Variants in GABBR2 observed in about 807,000 individuals in gnomAD.
GABBR2 encodes G-protein coupled receptor 51.
In GABBR2, 23 loss-of-function variants were observed where a neutral mutation model predicts 105.6. The ratio of observed to expected loss-of-function variants is 0.22; its 90% CI spans 0.16 to 0.31. The LOEUF is 0.31. GABBR2 is among the 10% of genes least tolerant of loss of function. GABBR2 has a pLI of 1.00. For missense variants in GABBR2, 734 were observed against 1,245.5 expected, an observed-to-expected ratio of 0.59 and a Z score of 6.18; for synonymous variants, 478 against 499.7, an observed-to-expected ratio of 0.96 and a Z score of 0.58.
chr9:98,587,557 T>C (rs1438929519), intron 1 of GABBR2, among the ~76,000 whole-genome samples: 5 of 152,118 alleles, frequency 3.3e-5, no homozygotes, highest in Admixed American at 3.3e-4. Flanking sequence ...AAAGGAGTGA[T>C]AGTGAGAGCC....
Position 98,483,325 on chromosome 9 carries a change from C to T in GABBR2, c.733-2328G>A, listed in dbSNP as rs148458362. 3.6e-3 allele frequency among the ~76,000 whole-genome samples: 541 copies of T among 152,294 alleles called. 4 individuals carry two copies. Among genetic ancestry groups the T allele is most frequent in the African/African-American group, 0.012 (509 of 41,554 alleles). On this transcript the variant is annotated intron_variant, in intron 4 of 18. Transcript: ENST00000259455. ...TGAGTTTGGTTACCATCATTCCTTA[C>T]TCAGTGAACAGCAACAGCCTCCCTG...
At chr9:98,536,594 C>T (rs977106134) in intron 3 of GABBR2, among the ~76,000 whole-genome samples, 1 of 152,110 alleles carries the variant, frequency 6.6e-6, no homozygotes, top group Non-Finnish European at 1.5e-5. Flanking sequence ...TGACATCACT[C>T]AGCACTCTGG....
intron 4 of GABBR2, among the ~76,000 whole-genome samples, chr9:98,493,325 G>T (rs965104998): frequency 3.3e-5 from 5 of 152,108 alleles, no homozygotes; most frequent in Non-Finnish European, 7.4e-5. Context: ...AGGAGCCCTG[G>T]TTCCTTTTAC....
intron 13 of GABBR2, among the ~76,000 whole-genome samples, chr9:98,318,742 C>T (rs1830765214): frequency 6.6e-6 from 1 of 152,214 alleles, no homozygotes; most frequent in Admixed American, 6.5e-5. Flanking sequence ...TTCTGACCAG[C>T]TCCCAGAAGT....
intron 1 of GABBR2, among the ~76,000 whole-genome samples, chr9:98,702,206 C>A (rs1000937105): frequency 6.6e-6 from 1 of 152,046 alleles, no homozygotes; most frequent in Non-Finnish European, 1.5e-5. Flanking sequence ...CGTGGCCTCA[C>A]CCCTGCAGGG....
chr9:98,529,369 A>T (rs1453879047), intron 3 of GABBR2, among the ~76,000 whole-genome samples: 1 of 152,256 alleles, frequency 6.6e-6, no homozygotes, highest in Admixed American at 6.5e-5. Context: ...ACGGTGACGG[A>T]GTCACGGAGA....
intron 7 of GABBR2, among the ~76,000 whole-genome samples, chr9:98,442,926 A>C (rs1826056989): frequency 6.6e-6 from 1 of 152,182 alleles, no homozygotes; most frequent in South Asian, 2.1e-4. Context: ...GGATTACCTT[A>C]CTTCAGTACG....
At chr9:98,659,331 TTTTG>T (rs1830222970) in intron 1 of GABBR2, among the ~76,000 whole-genome samples, 1 of 152,198 alleles carries the variant, frequency 6.6e-6, no homozygotes, top group Admixed American at 6.5e-5. Context: ...TATACATCTT[TTTTG>T]TTTGTTTTAC....
At chr9:98,572,829 T>A (rs1399813010) in intron 2 of GABBR2, among the ~76,000 whole-genome samples, 1 of 152,110 alleles carries the variant, frequency 6.6e-6, no homozygotes, top group Non-Finnish European at 1.5e-5. Context: ...CTCAGAGAAG[T>A]CCAAACTGTT....
chr9:98,359,996 C>T (rs16915140), intron 13 of GABBR2, among the ~76,000 whole-genome samples: 11,403 of 152,268 alleles, frequency 0.075, 519 homozygotes, highest in Middle Eastern at 0.13. Flanking sequence ...AGAGAAGATT[C>T]TGGAAGGGGA....
intron 1 of GABBR2, among the ~76,000 whole-genome samples, chr9:98,701,970 G>A (rs1000452758): frequency 8.5e-5 from 13 of 152,136 alleles, no homozygotes; most frequent in South Asian, 2.1e-4. Context: ...CTGAGCACTC[G>A]CAGTGTGCCG....
chr9:98,539,018 G>A (rs1304440615), intron 3 of GABBR2, among the ~76,000 whole-genome samples: 1 of 152,230 alleles, frequency 6.6e-6, no homozygotes, highest in Admixed American at 6.5e-5. Flanking sequence ...CCCTGGCTGA[G>A]GGCCCCGACA....
At chr9:98,382,635 G>A (rs1338201259) in intron 11 of GABBR2, among the ~76,000 whole-genome samples, 1 of 152,062 alleles carries the variant, frequency 6.6e-6, no homozygotes, top group Non-Finnish European at 1.5e-5. Flanking sequence ...TTCCATTACT[G>A]TAATCATCAC....
intron 7 of GABBR2, among the ~76,000 whole-genome samples, chr9:98,412,073 G>T (rs2131540172): frequency 6.6e-6 from 1 of 152,324 alleles, no homozygotes; most frequent in Admixed American, 6.5e-5. Context: ...AGTCTTATAG[G>T]TTAAGCCCTT....
chr9:98,462,923 T>C (rs1338265939), intron 6 of GABBR2, among the ~76,000 whole-genome samples: 1 of 152,204 alleles, frequency 6.6e-6, no homozygotes, highest in African/African-American at 2.4e-5. Context: ...GAGTCTCACT[T>C]TGTTGCTCAG....
chr9:98,630,496 G>C (rs1246577416), intron 1 of GABBR2, among the ~76,000 whole-genome samples: 2 of 152,182 alleles, frequency 1.3e-5, no homozygotes, highest in Non-Finnish European at 2.9e-5. Context: ...ACAGGAGCTT[G>C]AGCAGTGGCC....
chr9:98,638,520 T>C (rs953058382), intron 1 of GABBR2, among the ~76,000 whole-genome samples: 8 of 151,996 alleles, frequency 5.3e-5, no homozygotes, highest in Non-Finnish European at 1.0e-4. Context: ...AGATAAATAT[T>C]AAAAGTTGAA....
chr9:98,512,251 C>T (rs11506943), intron 3 of GABBR2, among the ~76,000 whole-genome samples: 10,853 of 93,248 alleles, frequency 0.12, 738 homozygotes, highest in Middle Eastern at 0.27. Flanking sequence ...ATTGATGGGA[C>T]GTATCTCAAA....
At chr9:98,497,428 A>G (rs528971916) in intron 3 of GABBR2, among the ~76,000 whole-genome samples, 12 of 62,196 alleles carry the variant, frequency 1.9e-4, no homozygotes, top group Non-Finnish European at 3.2e-4. Context: ...ATTTTGAATT[A>G]AAAAAAAAAG....
Sources: gnomAD v4.1 joint callset for allele counts (sites outside exome capture counted in the v4.1 genomes callset) on GRCh38, gnomAD v4.1.1 for gene constraint, MANE v1.5 for transcripts, NCBI Gene and HGNC (gene_info 2026-07-23, HGNC 2026-07-21) for gene names.